ACVR1: variants seen among roughly 807,000 people sequenced by gnomAD.
The protein encoded by ACVR1 is activin A receptor type 1.
A neutral mutation model predicts 57.1 loss-of-function variants in ACVR1; 38 were observed. The observed-to-expected ratio is 0.67, with a 90% CI of 0.51 to 0.87. The LOEUF (loss-of-function observed/expected upper bound fraction) is 0.87, where lower values mean the gene tolerates loss of function less well. Ranked by LOEUF, ACVR1 falls within the 40% of genes least tolerant of loss-of-function variation. The pLI is 0.00. For synonymous variants in ACVR1, 212 were observed against 228.1 expected (o/e 0.93, Z 0.63); for missense variants, 463 against 638.2 (o/e 0.73, Z 2.96).
At chr2:157,842,047 TAAC>T (rs1468628935) in intron 1 of ACVR1, among the ~76,000 whole-genome samples, 1 of 140,178 alleles carries the variant, frequency 7.1e-6, no homozygotes, top group Non-Finnish European at 1.6e-5. Flanking sequence ...AAAAAAAAAT[TAAC>T]AATTAATCCA....
At chr2:157,807,438 T>C (rs1687587310) in intron 2 of ACVR1, among the ~76,000 whole-genome samples, 1 of 152,170 alleles carries the variant, frequency 6.6e-6, no homozygotes, top group African/African-American at 2.4e-5. Flanking sequence ...TTGTTTCAAA[T>C]AGCCACGGTC....
chr2:157,806,342 G>A (rs1574087991), intron 2 of ACVR1, among the ~76,000 whole-genome samples: 1 of 151,656 alleles, frequency 6.6e-6, no homozygotes, highest in Non-Finnish European at 1.5e-5. Context: ...TGATATCATA[G>A]AAAAAAACAA....
intron 3 of ACVR1, among the ~76,000 whole-genome samples, chr2:157,785,987 C>T (rs1423287497): frequency 6.6e-6 from 1 of 152,186 alleles, no homozygotes; most frequent in African/African-American, 2.4e-5. Flanking sequence ...TCTTCAGTTA[C>T]TGGAAGTTCT....
chr2:157,829,539 T>A (rs1688509067), intron 1 of ACVR1, among the ~76,000 whole-genome samples: 1 of 151,066 alleles, frequency 6.6e-6, no homozygotes. Flanking sequence ...TTGATTTTCA[T>A]GATCTGGCCC....
chr2:157,829,806 G>A (rs911566480), intron 1 of ACVR1, among the ~76,000 whole-genome samples: 2 of 152,000 alleles, frequency 1.3e-5, no homozygotes, highest in African/African-American at 4.8e-5. Context: ...CTTAACTATT[G>A]TGGCCCTTAA....
chr2:157,747,786 G>A (rs991760351), intron 9 of ACVR1, among the ~76,000 whole-genome samples: 29 of 151,978 alleles, frequency 1.9e-4, no homozygotes, highest in Admixed American at 1.7e-3. Context: ...ATACACACGT[G>A]AATGTTCATA....
intron 1 of ACVR1, among the ~76,000 whole-genome samples, chr2:157,840,385 G>A (rs1688936836): frequency 6.6e-6 from 1 of 152,136 alleles, no homozygotes; most frequent in African/African-American, 2.4e-5. Flanking sequence ...GAGCATCCAG[G>A]AATCAACATA....
intron 9 of ACVR1, among the ~76,000 whole-genome samples, chr2:157,745,464 G>A (rs756374300): frequency 4.3e-4 from 66 of 152,164 alleles, no homozygotes; most frequent in Non-Finnish European, 7.8e-4. Context: ...GTGTGTCAAG[G>A]AAAAGAGACT....
intron 1 of ACVR1, chr2:157,875,251 T>C (rs1690245462): frequency 6.6e-6 from 1 of 152,226 alleles, no homozygotes; most frequent in Non-Finnish European, 1.5e-5. Context: ...ATTCCTGGCT[T>C]TGAAGCTTTT....
intron 3 of ACVR1, among the ~76,000 whole-genome samples, chr2:157,794,119 T>TTG (rs1687021885): frequency 6.6e-6 from 1 of 152,190 alleles, no homozygotes; most frequent in Non-Finnish European, 1.5e-5. Flanking sequence ...TTTAAAGTAA[T>TTG]TGTGTCATAG....
chr2:157,840,740 G>T (rs1477609883), intron 1 of ACVR1, among the ~76,000 whole-genome samples: 45 of 152,260 alleles, frequency 3.0e-4, no homozygotes, highest in Admixed American at 2.9e-3. Context: ...ATGGGGGCAG[G>T]GAGCACCTGC....
intron 1 of ACVR1, among the ~76,000 whole-genome samples, chr2:157,858,463 T>G (rs34636105): frequency 6.6e-6 from 1 of 152,078 alleles, no homozygotes; most frequent in African/African-American, 2.4e-5. Context: ...ATATTAATTG[T>G]TTTTCTTCTT....
At chr2:157,777,849 A>AT (rs1686350555) in intron 5 of ACVR1, among the ~76,000 whole-genome samples, 2 of 152,220 alleles carry the variant, frequency 1.3e-5, no homozygotes. Context: ...GTAGGCAACC[A>AT]TTCTCTGTCT....
chr2:157,788,710 C>T (rs569497733), intron 3 of ACVR1, among the ~76,000 whole-genome samples: 1 of 152,148 alleles, frequency 6.6e-6, no homozygotes, highest in South Asian at 2.1e-4. Context: ...AGGCATCCAC[C>T]GGGGGTCTTG....
Position 157,796,842 on chromosome 2 carries a change from C to T in ACVR1, c.67+2585G>A, listed in dbSNP as rs569735518. On this transcript the variant is annotated intron_variant, in intron 3 of 10. Coordinates refer to ENST00000434821, the MANE Select transcript of ACVR1 (RefSeq NM_001111067.4). ...TCCCAGCTTTAATATAAGCCCATTT[C>T]CTCGTATTAATTCCTTCAACATTGC... Among the ~76,000 whole-genome samples the T allele has an allele frequency of 3.3e-5, 5 of 152,248 alleles. No homozygotes were observed. In the East Asian group the frequency reaches 9.6e-4, roughly 29 times the overall value.
intron 5 of ACVR1, among the ~76,000 whole-genome samples, chr2:157,777,445 C>T (rs959111803): frequency 5.3e-5 from 8 of 152,018 alleles, no homozygotes; most frequent in Admixed American, 4.6e-4. Flanking sequence ...ATTTTTTAAT[C>T]GATTATACGT....
At chr2:157,855,308 G>GTGTTTATATATA (rs1307480066) in intron 1 of ACVR1, among the ~76,000 whole-genome samples, 1 of 51,656 alleles carries the variant, frequency 1.9e-5, no homozygotes, top group Non-Finnish European at 3.7e-5. Flanking sequence ...GTGTGTGTGT[G>GTGTTTATATATA]TATATATATA....
At chr2:157,756,624 A>G (rs58793790) in intron 9 of ACVR1, among the ~76,000 whole-genome samples, 11,848 of 151,964 alleles carry the variant, frequency 0.078, 1,506 homozygotes, top group African/African-American at 0.26. Flanking sequence ...TTACTTGCGC[A>G]AGAATGGCCA....
At chr2:157,757,045 A>ATATATATATATATATATATATAT (rs1559039330) in intron 9 of ACVR1, among the ~76,000 whole-genome samples, 10 of 98,164 alleles carry the variant, frequency 1.0e-4, no homozygotes, top group African/African-American at 3.7e-4. Flanking sequence ...TATATATATA[A>ATATATATATATATATATATATAT]AATAGAATAC....
Sources: gnomAD v4.1 joint callset for allele counts (sites outside exome capture counted in the v4.1 genomes callset) on GRCh38, gnomAD v4.1.1 for gene constraint, MANE v1.5 for transcripts, NCBI Gene and HGNC (gene_info 2026-07-23, HGNC 2026-07-21) for gene names.